Variants in EYS observed in about 807,000 individuals in gnomAD.
The protein encoded by EYS is EGF-like photoreceptor maintenance factor, also known as protein eyes shut homolog.
A neutral mutation model predicts 282.1 loss-of-function variants in EYS; 250 were observed. The ratio of observed to expected loss-of-function variants is 0.89; its 90% CI spans 0.80 to 0.98. The LOEUF (loss-of-function observed/expected upper bound fraction) is 0.98, where lower values mean the gene tolerates loss of function less well. EYS is among the 50% of genes least tolerant of loss of function. The pLI is 0.00. For missense variants in EYS, 4,016 were observed against 3,709.0 expected, an observed-to-expected ratio of 1.08 and a Z score of -2.15; for synonymous variants, 1,355 against 1,282.9, an observed-to-expected ratio of 1.06 and a Z score of -1.20.
Position 64,933,826 on chromosome 6 carries a change from T to C in EYS, c.2381+11967A>G, listed in dbSNP as rs192491000. On this transcript the variant is annotated intron_variant, in intron 15 of 42. Coordinates refer to ENST00000503581, the MANE Select transcript of EYS (RefSeq NM_001142800.2). ...TATAAAAAAGGATGAGTTTATGTCC[T>C]TTGCAGAGACATGGATGAAAATGGA... 1.9e-3 allele frequency among the ~76,000 whole-genome samples: 283 copies of C among 152,216 alleles called. 1 individual carries two copies. Among genetic ancestry groups the C allele is most frequent in the Admixed American group, 3.7e-3 (56 of 15,268 alleles).
At chr6:64,493,081 A>C (rs149349443) in intron 26 of EYS, among the ~76,000 whole-genome samples, 68 of 151,632 alleles carry the variant, frequency 4.5e-4, no homozygotes, top group African/African-American at 1.6e-3. Flanking sequence ...TAATTCATCT[A>C]TGTCTAGAGA....
At chr6:64,895,139 A>G (rs965394689) in intron 18 of EYS, among the ~76,000 whole-genome samples, 1 of 152,128 alleles carries the variant, frequency 6.6e-6, no homozygotes, top group African/African-American at 2.4e-5. Flanking sequence ...CAGATTGGAC[A>G]ATGCAAAAGC....
At chr6:63,874,287 C>G (rs1164491672) in intron 35 of EYS, among the ~76,000 whole-genome samples, 2 of 152,160 alleles carry the variant, frequency 1.3e-5, no homozygotes, top group African/African-American at 2.4e-5. Context: ...CCAGATTTGT[C>G]AAAGATCAGA....
rs367764905 is a variant in EYS at position 65,415,587 on chromosome 6, G to T, written c.863-10220C>A. ...AGTGACACATGGAATCCCGCCCACC[G>T]GTAAAGGGATTATCAGGTAAGAGAC... On this transcript the variant is annotated intron_variant, in intron 5 of 42. Transcript: ENST00000503581. Among the ~76,000 whole-genome samples the T allele has an allele frequency of 3.3e-5, 5 of 151,974 alleles. No individual in the cohort carries two copies. In the East Asian group the frequency reaches 7.7e-4, roughly 23 times the overall value.
At chr6:65,362,902 A>C (rs909378351) in intron 8 of EYS, among the ~76,000 whole-genome samples, 6 of 152,110 alleles carry the variant, frequency 3.9e-5, no homozygotes, top group Non-Finnish European at 8.8e-5. Flanking sequence ...AAAAAAAGAA[A>C]ATTAGAAAAG....
intron 19 of EYS, among the ~76,000 whole-genome samples, chr6:64,850,497 G>C (rs999601690): frequency 2.0e-5 from 3 of 151,994 alleles, no homozygotes; most frequent in African/African-American, 7.2e-5. Flanking sequence ...GGTGAATAGG[G>C]AAAGAATGAG....
chr6:63,778,487 A>G (rs1290967387), intron 39 of EYS, among the ~76,000 whole-genome samples: 3 of 152,152 alleles, frequency 2.0e-5, no homozygotes, highest in Non-Finnish European at 4.4e-5. Context: ...AAAATATAAT[A>G]TTATACCAAA....
At chr6:64,042,486 A>T (rs1770433808) in intron 33 of EYS, among the ~76,000 whole-genome samples, 1 of 152,174 alleles carries the variant, frequency 6.6e-6, no homozygotes, top group South Asian at 2.1e-4. Flanking sequence ...GCTCATACAA[A>T]TAGGAAGTGC....
chr6:63,757,515 G>A (rs536764776), intron 41 of EYS, among the ~76,000 whole-genome samples: 3 of 151,898 alleles, frequency 2.0e-5, no homozygotes, highest in Admixed American at 6.6e-5. Context: ...ATCTTTATTG[G>A]CCTCAGAAGC....
At chr6:64,923,152 G>GA (rs34847710) in intron 15 of EYS, among the ~76,000 whole-genome samples, 4,710 of 151,902 alleles carry the variant, frequency 0.031, 134 homozygotes, top group East Asian at 0.13. Flanking sequence ...AGACACGGGG[G>GA]AAAAAAAGGT....
intron 34 of EYS, among the ~76,000 whole-genome samples, chr6:63,989,645 C>T (rs1270444473): frequency 1.6e-5 from 2 of 126,806 alleles, no homozygotes; most frequent in African/African-American, 6.3e-5. Context: ...AAGTTTTATA[C>T]ACTTTTTTTT....
At chr6:65,665,778 A>T (rs7757773) in intron 1 of EYS, among the ~76,000 whole-genome samples, 124,240 of 151,940 alleles carry the variant, frequency 0.82, 50,894 homozygotes, top group East Asian at 0.85. Flanking sequence ...AACCACCAGA[A>T]CTAAATTTAC....
intron 36 of EYS, among the ~76,000 whole-genome samples, chr6:63,847,391 C>T (rs566670777): frequency 3.7e-4 from 56 of 152,270 alleles, no homozygotes; most frequent in African/African-American, 1.3e-3. Flanking sequence ...TCCCTCTCCT[C>T]TTCCTTCCTC....
chr6:64,552,481 T>A (rs1208922747), intron 26 of EYS, among the ~76,000 whole-genome samples: 2 of 152,100 alleles, frequency 1.3e-5, no homozygotes, highest in African/African-American at 4.8e-5. Flanking sequence ...CAATGTCTTC[T>A]CTCCGAAGCC....
Position 65,229,530 on chromosome 6 carries a change from AGTG to A in EYS, c.2023+66330_2023+66332del, listed in dbSNP as rs376769436. On this transcript the variant is annotated intron_variant, in intron 12 of 42. Coordinates refer to ENST00000503581, the MANE Select transcript of EYS (RefSeq NM_001142800.2). ...ATAAACGAAGTTACAGAAAAAAAAA[AGTG>A]GCAGAATCCGGAGCCCTTTCGGGAA... 3.2e-3 allele frequency among the ~76,000 whole-genome samples: 480 copies of A among 151,984 alleles called. 5 individuals are homozygous for A. Among genetic ancestry groups the A allele is most frequent in the African/African-American group, 0.011 (452 of 41,530 alleles).
At chr6:64,341,418 T>TA in intron 29 of EYS, among the ~76,000 whole-genome samples, 1 of 151,934 alleles carries the variant, frequency 6.6e-6, no homozygotes, top group South Asian at 2.1e-4. Flanking sequence ...CTGGAGGCCA[T>TA]AAGCCTAAAT....
In EYS at chr6:63,720,385, G is replaced by T; in HGVS notation, c.*211C>A. On this transcript the variant is annotated 3_prime_UTR_variant, in exon 43 of 43. Transcript: ENST00000503581. ...CACTGAACTAATGGAGTTAAAACAT[G>T]AATCAAAATATATACAGATAAATTA... is the stretch of plus-strand genomic sequence containing the variant. 2.1e-6 allele frequency: 1 copy of T among 478,182 alleles called. No homozygotes were observed. The highest frequency in any genetic ancestry group is 4.9e-5 in the South Asian group (1 of 20,610). 29.6% of individuals were successfully genotyped at this position (478,182 alleles called of 1,614,324 possible). A position where few individuals can be genotyped will look rare whatever the true frequency, so the allele number is the denominator to read the frequency against.
At chr6:64,714,649 T>C (rs1771323322) in intron 22 of EYS, among the ~76,000 whole-genome samples, 1 of 151,396 alleles carries the variant, frequency 6.6e-6, no homozygotes, top group African/African-American at 2.4e-5. Flanking sequence ...CCTCAGCCTC[T>C]GGAGTAGCTG....
intron 22 of EYS, among the ~76,000 whole-genome samples, chr6:64,709,825 C>A (rs1771147945): frequency 6.6e-6 from 1 of 152,166 alleles, no homozygotes; most frequent in Non-Finnish European, 1.5e-5. Context: ...ATTAATAAAT[C>A]ATGAGCAACT....
Sources: allele counts gnomAD v4.1 joint callset (sites outside exome capture counted in the v4.1 genomes callset), GRCh38; gene constraint gnomAD v4.1.1; transcripts MANE v1.5; gene names NCBI Gene and HGNC (gene_info 2026-07-23, HGNC 2026-07-21).